The following NAALADL2 variants were observed in gnomAD, a reference collection of about 807,000 sequenced individuals.
NAALADL2 encodes the protein inactive N-acetylated-alpha-linked acidic dipeptidase-like protein 2.
A neutral mutation model predicts 87.2 loss-of-function variants in NAALADL2; 76 were observed. The ratio of observed to expected loss-of-function variants is 0.87; its 90% CI spans 0.72 to 1.05. NAALADL2 has a LOEUF of 1.05. Ranked by LOEUF, NAALADL2 falls within the 50% of genes least tolerant of loss-of-function variation. The pLI is 0.00. For synonymous variants in NAALADL2, 354 were observed against 331.0 expected, an observed-to-expected ratio of 1.07 and a Z score of -0.75; for missense variants, 1,089 against 945.8, an observed-to-expected ratio of 1.15 and a Z score of -1.99.
chr3:175,305,003 T>G lies in NAALADL2; in HGVS notation c.940-19172T>G, dbSNP rs1032161796. ...TAGGTTCCACTGTGTTCCAAAAGTTTCATTGTTACATATTTTACTTTTCAT... is the reference window on the plus strand; with the variant it reads ...TAGGTTCCACTGTGTTCCAAAAGTTGCATTGTTACATATTTTACTTTTCAT... On this transcript the variant is annotated intron_variant, in intron 4 of 13. Transcript: ENST00000454872. Among the ~76,000 whole-genome samples, 19 of 152,292 alleles carry G rather than the reference T, an allele frequency of 1.2e-4. 1 individual carries two copies. Among genetic ancestry groups the G allele is most frequent in the Admixed American group, 9.2e-4 (14 of 15,284 alleles).
chr3:174,644,756 T>C (rs1244879000), intron 2 of NAALADL2, among the ~76,000 whole-genome samples: 1 of 152,208 alleles, frequency 6.6e-6, no homozygotes, highest in Non-Finnish European at 1.5e-5. Flanking sequence ...TCTGTTGTTT[T>C]TAAGCAAGGT....
intron 1 of NAALADL2, among the ~76,000 whole-genome samples, chr3:174,504,569 G>T (rs1263743936): frequency 6.6e-6 from 1 of 152,054 alleles, no homozygotes; most frequent in Non-Finnish European, 1.5e-5. Context: ...CTGTTTCAGA[G>T]AATCATTCTT....
chr3:175,217,694 T>G (rs143255659), intron 2 of NAALADL2, among the ~76,000 whole-genome samples: 222 of 152,336 alleles, frequency 1.5e-3, no homozygotes, highest in African/African-American at 5.0e-3. Flanking sequence ...GCTCTAGTTT[T>G]AACCACATAC....
intron 1 of NAALADL2, among the ~76,000 whole-genome samples, chr3:174,897,646 T>C (rs1463885253): frequency 6.6e-6 from 1 of 152,150 alleles, no homozygotes; most frequent in African/African-American, 2.4e-5. Flanking sequence ...TACCGTATGA[T>C]CTGGCAGTCT....
rs1423932499 is a variant in NAALADL2 at position 175,467,097 on chromosome 3, G to A, written c.1446G>A (p.Lys482=). The A allele has an allele frequency of 6.2e-7, 1 of 1,613,802 alleles. No homozygotes were observed. The highest frequency in any genetic ancestry group is 8.5e-7 in the Non-Finnish European group (1 of 1,179,848). The change falls in exon 8 of 14, where the codon AAG becomes AAA. Residue 482 remains lysine (K), a synonymous_variant. Coordinates refer to ENST00000454872, the MANE Select transcript of NAALADL2 (RefSeq NM_207015.3). ...TCCGTGCCTTGATGTCAAAAGTTAA[G>A]AGAGGGTGGAGACCAGACCGAACTA... ...AFIRALMSKV[K]RGWRPDRTIV...
intron 2 of NAALADL2, among the ~76,000 whole-genome samples, chr3:174,556,435 A>G (rs1055594245): frequency 6.6e-6 from 1 of 151,848 alleles, no homozygotes; most frequent in Non-Finnish European, 1.5e-5. Flanking sequence ...TCATCAGAAA[A>G]AGAGGTAACT....
At chr3:174,861,321 G>A (rs1515625) in intron 1 of NAALADL2, among the ~76,000 whole-genome samples, 45,366 of 151,486 alleles carry the variant, frequency 0.3, 6,877 homozygotes, top group East Asian at 0.42. Flanking sequence ...TGTTGGTTTC[G>A]TTTCTGGATT....
At chr3:174,809,823 G>A (rs927546070) in intron 3 of NAALADL2, among the ~76,000 whole-genome samples, 6 of 152,126 alleles carry the variant, frequency 3.9e-5, no homozygotes, top group African/African-American at 1.4e-4. Context: ...TGGAGGTGGG[G>A]CCTCATGGGA....
At chr3:174,797,396 C>T (rs1718268451) in intron 3 of NAALADL2, among the ~76,000 whole-genome samples, 1 of 133,566 alleles carries the variant, frequency 7.5e-6, no homozygotes, top group Admixed American at 8.7e-5. Context: ...ACTGCAACTT[C>T]TGCCTCCCGG....
At chr3:175,584,246 A>C (rs6766180) in intron 10 of NAALADL2, among the ~76,000 whole-genome samples, 17,278 of 152,044 alleles carry the variant, frequency 0.11, 2,458 homozygotes, top group African/African-American at 0.33. Context: ...CCATGTTGCC[A>C]GGCCAGTCTC....
chr3:175,485,516 C>G (rs533937099), intron 9 of NAALADL2, among the ~76,000 whole-genome samples: 6 of 152,264 alleles, frequency 3.9e-5, no homozygotes, highest in African/African-American at 1.2e-4. Context: ...AGCCTTCAGT[C>G]TGTGGCTGCA....
Position 174,859,510 on chromosome 3 carries a change from G to T in NAALADL2, c.43+60G>T, listed in dbSNP as rs1362821629. The T allele has an allele frequency of 2.2e-6, 3 of 1,386,668 alleles. No individual in the cohort carries two copies. The Admixed American group carries it at 5.4e-5, about 25-fold the overall frequency. 85.9% of individuals were successfully genotyped at this position (1,386,668 alleles called of 1,614,324 possible). On this transcript the variant is annotated intron_variant, in intron 1 of 13. Transcript: ENST00000454872. ...CACAATCAGAAACTTAAGCAGTGTT[G>T]ATTACAAAGTCTGTGTGTTTCTGTG...
chr3:174,666,201 A>T (rs1725940241), intron 2 of NAALADL2, among the ~76,000 whole-genome samples: 1 of 152,190 alleles, frequency 6.6e-6, no homozygotes, highest in African/African-American at 2.4e-5. Context: ...TAAGTATCAG[A>T]TATTTCTATT....
intron 1 of NAALADL2, among the ~76,000 whole-genome samples, chr3:174,476,657 T>C (rs940287170): frequency 6.6e-6 from 1 of 152,076 alleles, no homozygotes; most frequent in African/African-American, 2.4e-5. Flanking sequence ...ACATCTTTCA[T>C]GTTATAGAAA....
chr3:175,163,182 G>A (rs1272856975), intron 2 of NAALADL2, among the ~76,000 whole-genome samples: 1 of 151,958 alleles, frequency 6.6e-6, no homozygotes, highest in Non-Finnish European at 1.5e-5. Context: ...CAATACTAGA[G>A]GTTATAGCAG....
At chr3:174,487,940 A>C (rs1164807530) in intron 1 of NAALADL2, among the ~76,000 whole-genome samples, 1 of 152,026 alleles carries the variant, frequency 6.6e-6, no homozygotes, top group African/African-American at 2.4e-5. Flanking sequence ...GCAAGAGCCA[A>C]TATATAAAAA....
chr3:175,790,257 A>T (rs1316169439), intron 13 of NAALADL2, among the ~76,000 whole-genome samples: 1 of 152,110 alleles, frequency 6.6e-6, no homozygotes, highest in Admixed American at 6.6e-5. Flanking sequence ...CTGAGTAATG[A>T]CAGATCTCTT....
At chr3:175,252,872 C>A (rs1459989523) in intron 3 of NAALADL2, among the ~76,000 whole-genome samples, 1 of 152,160 alleles carries the variant, frequency 6.6e-6, no homozygotes, top group East Asian at 1.9e-4. Flanking sequence ...TAATCCAGAG[C>A]AAGCCCCTAA....
At chr3:174,761,084 A>G (rs1712880644) in intron 3 of NAALADL2, among the ~76,000 whole-genome samples, 1 of 152,202 alleles carries the variant, frequency 6.6e-6, no homozygotes, top group African/African-American at 2.4e-5. Context: ...TGCACCCTGT[A>G]GTCTATTCCC....
Sources: allele counts gnomAD v4.1 joint callset (sites outside exome capture counted in the v4.1 genomes callset), GRCh38; gene constraint gnomAD v4.1.1; transcripts MANE v1.5; gene names NCBI Gene and HGNC (gene_info 2026-07-23, HGNC 2026-07-21).